XKR4: variants seen among roughly 807,000 people sequenced by gnomAD.
The protein encoded by XKR4 is XK-related protein 4.
Under a neutral mutation model 53.9 loss-of-function variants are expected in XKR4, and 12 were observed. The observed-to-expected ratio is 0.22, with a 90% CI of 0.14 to 0.36. The LOEUF (loss-of-function observed/expected upper bound fraction) is 0.36. Among genes scored for constraint, XKR4 ranks in the 10% least tolerant of loss-of-function variants. The probability of loss-of-function intolerance (pLI) is 1.00; values close to 1 mark genes in which losing one functional copy is unlikely to be tolerated. For missense variants in XKR4, 799 were observed against 859.5 expected (o/e 0.93, Z 0.88); for synonymous variants, 354 against 362.4 (o/e 0.98, Z 0.26).
intron 1 of XKR4, among the ~76,000 whole-genome samples, chr8:55,194,130 G>T (rs547047819): frequency 1.3e-4 from 20 of 152,330 alleles, no homozygotes; most frequent in African/African-American, 4.6e-4. Flanking sequence ...GTAACTAAAT[G>T]CCAGGTTGGA....
chr8:55,201,890 C>A (rs1817580370), intron 1 of XKR4, among the ~76,000 whole-genome samples: 1 of 152,164 alleles, frequency 6.6e-6, no homozygotes, highest in Admixed American at 6.5e-5. Context: ...TATAGGGCAT[C>A]TATTTGTGTT....
rs1806967998 is a variant in XKR4 at position 55,532,553 on chromosome 8, T to C, written c.*8326T>C. On this transcript the variant is annotated 3_prime_UTR_variant, in exon 3 of 3. Coordinates refer to ENST00000327381, the MANE Select transcript of XKR4 (RefSeq NM_052898.2). The stretch of plus-strand genomic sequence containing the variant: ...GCTCACGCCTGTAATCCCAACACTT[T>C]GGGAGGCTGAGGCGGGCGGATCACA... The C allele has an allele frequency of 6.6e-6, 1 of 152,210 alleles. No homozygotes were observed. Among genetic ancestry groups the C allele is most frequent in the African/African-American group, 2.4e-5 (1 of 41,446 alleles). 9.4% of individuals were successfully genotyped at this position (152,210 alleles called of 1,614,324 possible).
At chr8:55,279,846 T>C (rs1010725573) in intron 1 of XKR4, among the ~76,000 whole-genome samples, 11 of 152,210 alleles carry the variant, frequency 7.2e-5, no homozygotes, top group African/African-American at 2.7e-4. Flanking sequence ...TAGGTATGAG[T>C]GCAATAGATG....
chr8:55,334,644 C>A lies in XKR4; in HGVS notation c.807-23034C>A, dbSNP rs576113591. 2.0e-5 allele frequency among the ~76,000 whole-genome samples: 3 copies of A among 152,254 alleles called. No individual in the cohort carries two copies. The South Asian group carries it at 6.2e-4, about 32-fold the overall frequency. ...CCGTCATAAAGACCAACCTCATATA[C>A]CTGTGCATTTCAGAATTTTAAAGTA... On this transcript the variant is annotated intron_variant, in intron 1 of 2. Coordinates refer to ENST00000327381, the MANE Select transcript of XKR4 (RefSeq NM_052898.2).
intron 1 of XKR4, among the ~76,000 whole-genome samples, chr8:55,206,007 T>C (rs998942847): frequency 2.0e-5 from 3 of 152,178 alleles, no homozygotes; most frequent in African/African-American, 7.2e-5. Flanking sequence ...GTTACAGCTC[T>C]TAAAGGTGGC....
At chr8:55,394,846 T>C (rs1405502975) in intron 2 of XKR4, among the ~76,000 whole-genome samples, 2 of 152,186 alleles carry the variant, frequency 1.3e-5, no homozygotes, top group African/African-American at 4.8e-5. Flanking sequence ...ATCACCAGCA[T>C]CGGTTTAATC....
chr8:55,236,488 A>C (rs927310765), intron 1 of XKR4, among the ~76,000 whole-genome samples: 1 of 152,176 alleles, frequency 6.6e-6, no homozygotes, highest in South Asian at 2.1e-4. Context: ...TGCTTCCCAG[A>C]GGAAAAACAG....
intron 1 of XKR4, among the ~76,000 whole-genome samples, chr8:55,244,814 G>A (rs535384519): frequency 6.6e-6 from 1 of 151,850 alleles, no homozygotes; most frequent in South Asian, 2.1e-4. Flanking sequence ...TCTAATGATA[G>A]TGATGTTGAG....
chr8:55,268,234 C>A (rs1365007653), intron 1 of XKR4, among the ~76,000 whole-genome samples: 1 of 152,140 alleles, frequency 6.6e-6, no homozygotes. Context: ...GAATTAGAGT[C>A]ATTCATTTTC....
intron 1 of XKR4, among the ~76,000 whole-genome samples, chr8:55,349,118 G>T (rs1803691738): frequency 6.6e-6 from 1 of 152,070 alleles, no homozygotes; most frequent in Non-Finnish European, 1.5e-5. Context: ...TTGCTTACTA[G>T]GTAATTTATG....
Position 55,321,112 on chromosome 8 carries a change from A to G in XKR4, c.807-36566A>G, listed in dbSNP as rs568171462. ...AGCTTCCTTGCATCTAGGTCCAAAC[A>G]TTCTGCCTGGCTTTATTTTTGGTCA... On this transcript the variant is annotated intron_variant, in intron 1 of 2. Coordinates refer to ENST00000327381, the MANE Select transcript of XKR4 (RefSeq NM_052898.2). Among the ~76,000 whole-genome samples the G allele has an allele frequency of 2.0e-5, 3 of 152,116 alleles. No individual in the cohort carries two copies. The East Asian group carries it at 5.8e-4, about 29-fold the overall frequency.
chr8:55,152,655 G>A lies in XKR4; in HGVS notation c.806+49361G>A, dbSNP rs561722393. On this transcript the variant is annotated intron_variant, in intron 1 of 2. Transcript: ENST00000327381. The stretch of plus-strand genomic sequence containing the variant: ...ATCCAAACAAAAAATGAGAAAAGCT[G>A]ATAATACTAATGCTTTGTGAAGCTG... Among the ~76,000 whole-genome samples, 14 of 137,470 alleles carry A rather than the reference G, an allele frequency of 1.0e-4. No individual in the cohort carries two copies. In the East Asian group the frequency reaches 2.6e-3, roughly 25 times the overall value. 90.2% of individuals were successfully genotyped at this position (137,470 alleles called of 152,430 possible).
At chr8:55,438,536 G>A (rs1805212017) in intron 2 of XKR4, among the ~76,000 whole-genome samples, 1 of 147,118 alleles carries the variant, frequency 6.8e-6, no homozygotes, top group African/African-American at 2.5e-5. Flanking sequence ...GTAGCAGTGA[G>A]CCGAGATTGT....
intron 1 of XKR4, among the ~76,000 whole-genome samples, chr8:55,171,496 T>A (rs1266975597): frequency 6.6e-6 from 1 of 152,208 alleles, no homozygotes; most frequent in African/African-American, 2.4e-5. Context: ...TCATTTTACC[T>A]GGTGACCAGC....
At chr8:55,510,431 A>G (rs1404652940) in intron 2 of XKR4, among the ~76,000 whole-genome samples, 1 of 152,206 alleles carries the variant, frequency 6.6e-6, no homozygotes, top group Non-Finnish European at 1.5e-5. Flanking sequence ...ATATTTGATC[A>G]GATTTCCATC....
chr8:55,332,153 C>T (rs1228987422), intron 1 of XKR4, among the ~76,000 whole-genome samples: 2 of 152,010 alleles, frequency 1.3e-5, no homozygotes, highest in Admixed American at 1.3e-4. Flanking sequence ...ATATAACATC[C>T]TAAAGTTATA....
At chr8:55,238,376 T>A (rs1818163464) in intron 1 of XKR4, among the ~76,000 whole-genome samples, 1 of 152,204 alleles carries the variant, frequency 6.6e-6, no homozygotes, top group Non-Finnish European at 1.5e-5. Context: ...TTCATCCTTA[T>A]CCTCTTGTTT....
At chr8:55,435,082 GT>G (rs1805155268) in intron 2 of XKR4, among the ~76,000 whole-genome samples, 1 of 152,232 alleles carries the variant, frequency 6.6e-6, no homozygotes, top group Non-Finnish European at 1.5e-5. Flanking sequence ...GGAAACAGAG[GT>G]CTTGGCTGGT....
At position 55,143,336 on chromosome 8, in the gene XKR4, A is replaced by T. The variant is rs140440913; in HGVS notation, c.806+40042A>T. ...TGCAGACACTGCCCAATAATTTTTC[A>T]AGTTGTTTTGCCTTTTAATAATGAT... is the stretch of plus-strand genomic sequence containing the variant. On this transcript the variant is annotated intron_variant, in intron 1 of 2. Coordinates refer to ENST00000327381, the MANE Select transcript of XKR4 (RefSeq NM_052898.2). 1.2e-4 allele frequency among the ~76,000 whole-genome samples: 18 copies of T among 152,258 alleles called. No homozygotes were observed. In the East Asian group the frequency reaches 3.3e-3, roughly 28 times the overall value.
Sources: gnomAD v4.1 joint callset for allele counts (sites outside exome capture counted in the v4.1 genomes callset) on GRCh38, gnomAD v4.1.1 for gene constraint, MANE v1.5 for transcripts, NCBI Gene and HGNC (gene_info 2026-07-23, HGNC 2026-07-21) for gene names.